Variants in FAM240C observed in about 807,000 individuals in gnomAD.
FAM240C encodes the protein protein FAM240C.
In FAM240C, 14 loss-of-function variants were observed where a neutral mutation model predicts 10.0. The ratio of observed to expected loss-of-function variants is 1.40; its 90% confidence interval spans 0.92 to 2.19. FAM240C has a LOEUF of 2.19. Among genes scored for constraint, FAM240C ranks in the 30% most tolerant of loss-of-function variants. FAM240C has a pLI of 0.00. For missense variants in FAM240C, 154 were observed against 122.3 expected (o/e 1.26, Z -1.22); for synonymous variants, 49 against 44.3 (o/e 1.11, Z -0.42).
At chr2:241,902,270 G>A (rs1702000266), upstream of FAM240C, among the ~76,000 whole-genome samples, 1 of 150,698 alleles carries the variant, frequency 6.6e-6, no homozygotes, top group East Asian at 2.0e-4. This position sits in a 1 kb window ranked among gnomAD's most constrained non-coding sequence, Gnocchi z 7.1. Flanking sequence ...CAGGCTGCCG[G>A]GCTCCAGCTA....
chr2:241,897,383 A>G (rs1701877326), intron 1 of FAM240C, 49 bp from the exon 2 acceptor site: 2 of 1,533,124 alleles, frequency 1.3e-6, no homozygotes, highest in East Asian at 4.9e-5. Context: ...TGCCATTCCC[A>G]TTGACGAGTT....
chr2:241,894,452 C>A lies in FAM240C; in HGVS notation c.162-113G>T, dbSNP rs965790657. The stretch of plus-strand genomic sequence containing the variant: ...CTGTGAGAGCAGGAGTATGACACTC[C>A]CTGCCAGGGGTGGGGGTGTCACCGC... On this transcript the variant is annotated intron_variant, in intron 2 of 2. Coordinates refer to ENST00000404031, the MANE Select transcript of FAM240C (RefSeq NM_001382368.1). The A allele has an allele frequency of 2.4e-6, 3 of 1,243,484 alleles. No individual in the cohort carries two copies. The African/African-American group carries it at 4.5e-5, about 19-fold the overall frequency. 77.0% of individuals were successfully genotyped at this position (1,243,484 alleles called of 1,614,324 possible). A position where few individuals can be genotyped will look rare whatever the true frequency, so the allele number is the denominator to read the frequency against.
chr2:241,901,671 G>A (rs1701986865), upstream of FAM240C, among the ~76,000 whole-genome samples: 1 of 152,192 alleles, frequency 6.6e-6, no homozygotes, highest in Admixed American at 6.5e-5. The surrounding 1 kb of genome is among the most constrained non-coding windows in gnomAD (Gnocchi z 4.9). Context: ...CTCAGGCAGC[G>A]CGGGTGGAAG....
At chr2:241,895,649 G>T (rs1430905371) in intron 2 of FAM240C, among the ~76,000 whole-genome samples, 1 of 152,230 alleles carries the variant, frequency 6.6e-6, no homozygotes, top group African/African-American at 2.4e-5. Context: ...GTGGCCTGGG[G>T]AGAACCGGGC....
At chr2:241,898,173 G>A (rs1361797351) in intron 1 of FAM240C, among the ~76,000 whole-genome samples, 1 of 152,218 alleles carries the variant, frequency 6.6e-6, no homozygotes, top group Non-Finnish European at 1.5e-5. Context: ...AAGTGAGGCT[G>A]ACTGAAATGT....
intron 2 of FAM240C, among the ~76,000 whole-genome samples, chr2:241,896,896 G>A (rs535520168): frequency 6.6e-6 from 1 of 151,258 alleles, no homozygotes; most frequent in African/African-American, 2.4e-5. Flanking sequence ...GGGCATTGGG[G>A]TGTGGTGTTG....
chr2:241,894,237 G>A lies in FAM240C; in HGVS notation c.264C>T (p.His88=). The A allele has an allele frequency of 6.5e-7, 1 of 1,549,978 alleles. No individual in the cohort carries two copies. Among genetic ancestry groups the A allele is most frequent in the Non-Finnish European group, 8.7e-7 (1 of 1,146,760 alleles). ...CTCAGGCCGCCTTCTTGTCCTTGGT[G>A]TGGAGGGACTCAGTGGCCTCCGGGA... The part of the protein sequence containing the change: ...DRVPEATESL[H]TKDKKAA Residue 88 remains histidine, a synonymous_variant, in exon 3 of 3, where the codon CAC becomes CAT. Coordinates refer to ENST00000404031, the MANE Select transcript of FAM240C (RefSeq NM_001382368.1).
upstream of FAM240C, among the ~76,000 whole-genome samples, chr2:241,901,142 G>A (rs918540068): frequency 2.6e-5 from 4 of 152,146 alleles, no homozygotes; most frequent in East Asian, 1.9e-4. The surrounding 1 kb of genome is among the most constrained non-coding windows in gnomAD (Gnocchi z 4.9). Flanking sequence ...CCCAGCACAC[G>A]GGGGTCACCG....
chr2:241,900,169 C>T lies in FAM240C; in HGVS notation c.12+189G>A, dbSNP rs1238124230. Among the ~76,000 whole-genome samples, 1 of 152,184 alleles carries T rather than the reference C, an allele frequency of 6.6e-6. No individual in the cohort carries two copies. Among genetic ancestry groups the T allele is most frequent in the South Asian group, 2.1e-4 (1 of 4,820 alleles). On this transcript the variant is annotated intron_variant, in intron 1 of 2. Transcript: ENST00000404031. The surrounding 1 kb of genome is among the most constrained non-coding windows in gnomAD (Gnocchi z 4.5). The stretch of plus-strand genomic sequence containing the variant: ...GGTGATGGAGACACTCTCCCCCCAC[C>T]AAAGGTGTTGACAGCAGGAATCCCA...
At position 241,896,487 on chromosome 2, in the gene FAM240C, A is replaced by AGGGGGTGTGGGTGTTGGGGTGTGGGTGT. The variant is rs1559468214; in HGVS notation, c.161+698_161+699insACACCCACACCCCAACACCCACACCCCC. Among the ~76,000 whole-genome samples, 17 of 25,588 alleles carry AGGGGGTGTGGGTGTTGGGGTGTGGGTGT rather than the reference A, an allele frequency of 6.6e-4. 1 individual carries two copies. The highest frequency in any genetic ancestry group is 2.4e-3 in the African/African-American group (17 of 7,026). The allele number at this position is 25,588 out of a possible 152,430, so 16.8% of individuals were successfully genotyped here. A position where few individuals can be genotyped will look rare whatever the true frequency, so the allele number is the denominator to read the frequency against. ...GGAGTGTCAGGGAGATGGCGGGGGA[A>AGGGGGTGTGGGTGTTGGGGTGTGGGTGT]GGGGGTGTGGGTGAAGGGGGTGTGG... is the stretch of plus-strand genomic sequence containing the variant. On this transcript the variant is annotated intron_variant, in intron 2 of 2. Coordinates refer to ENST00000404031, the MANE Select transcript of FAM240C (RefSeq NM_001382368.1).
At chr2:241,898,585 G>A (rs1408634468) in intron 1 of FAM240C, among the ~76,000 whole-genome samples, 4 of 145,598 alleles carry the variant, frequency 2.7e-5, no homozygotes, top group South Asian at 4.7e-4. Context: ...AAGAATGTCC[G>A]TGACAAAGGG....
At chr2:241,902,388 C>T (rs925808707), upstream of FAM240C, 1 of 149,302 alleles carries the variant, frequency 6.7e-6, no homozygotes, top group Admixed American at 6.7e-5. This position sits in a 1 kb window ranked among gnomAD's most constrained non-coding sequence, Gnocchi z 7.1. Context: ...CCTCCGCCGC[C>T]GCCTCCCCTC....
At position 241,900,325 on chromosome 2, in the gene FAM240C, A is replaced by C. The variant is rs1317509684; in HGVS notation, c.12+33T>G. On this transcript the variant is annotated intron_variant, in intron 1 of 2. Transcript: ENST00000404031. This position sits in a 1 kb window ranked among gnomAD's most constrained non-coding sequence, Gnocchi z 4.5. ...AAATGCAGCGCCAATCTCTCAAGCA[A>C]GGACAGCGCCTGTCACATCACAGAG... is the stretch of plus-strand genomic sequence containing the variant. 2 of 717,178 alleles carry C rather than the reference A, an allele frequency of 2.8e-6. No homozygotes were observed. Among genetic ancestry groups the C allele is most frequent in the Admixed American group, 4.0e-5 (2 of 50,012 alleles). 44.4% of individuals were successfully genotyped at this position (717,178 alleles called of 1,614,324 possible). A position where few individuals can be genotyped will look rare whatever the true frequency, so the allele number is the denominator to read the frequency against.
chr2:241,901,351 C>T (rs1701978871), upstream of FAM240C, among the ~76,000 whole-genome samples: 1 of 152,232 alleles, frequency 6.6e-6, no homozygotes, highest in Non-Finnish European at 1.5e-5. The surrounding 1 kb of genome is among the most constrained non-coding windows in gnomAD (Gnocchi z 4.9). Context: ...GTTTCAGTCT[C>T]CCGGGTCACT....
At chr2:241,901,686 C>T (rs114325338), upstream of FAM240C, among the ~76,000 whole-genome samples, 949 of 152,270 alleles carry the variant, frequency 6.2e-3, 7 homozygotes, top group African/African-American at 0.021. This position sits in a 1 kb window ranked among gnomAD's most constrained non-coding sequence, Gnocchi z 4.9. Context: ...TGGAAGACGC[C>T]GGTGAGAACC....
upstream of FAM240C, among the ~76,000 whole-genome samples, chr2:241,902,025 C>T (rs1701994398): frequency 6.6e-6 from 1 of 152,236 alleles, no homozygotes; most frequent in Non-Finnish European, 1.5e-5. This position sits in a 1 kb window ranked among gnomAD's most constrained non-coding sequence, Gnocchi z 7.1. Context: ...GCAGGGAGCG[C>T]ATTCTGATCT....
At chr2:241,895,629 G>T (rs1701777274) in intron 2 of FAM240C, among the ~76,000 whole-genome samples, 2 of 152,238 alleles carry the variant, frequency 1.3e-5, no homozygotes, top group South Asian at 4.1e-4. Flanking sequence ...TAAAAGCAGT[G>T]GTTGGCCTCG....
Position 241,894,243 on chromosome 2 carries a change from G to A in FAM240C, c.258C>T (p.Ser86=). 6.5e-7 allele frequency: 1 copy of A among 1,549,982 alleles called. No homozygotes were observed. Among genetic ancestry groups the A allele is most frequent in the South Asian group, 1.2e-5 (1 of 84,050 alleles). The change falls in exon 3 of 3, where the codon TCC becomes TCT. Residue 86 remains serine, a synonymous_variant. Transcript: ENST00000404031. Reference sequence around the variant, plus strand: ...CCGCCTTCTTGTCCTTGGTGTGGAGGGACTCAGTGGCCTCCGGGACCCTGT... The same window carrying A: ...CCGCCTTCTTGTCCTTGGTGTGGAGAGACTCAGTGGCCTCCGGGACCCTGT... ...CPDRVPEATE[S]LHTKDKKAA
intron 1 of FAM240C, chr2:241,899,059 C>A (rs6733108): frequency 1.9e-5 from 23 of 1,194,516 alleles, no homozygotes; most frequent in African/African-American, 1.7e-4. Flanking sequence ...GAGCGCGGCC[C>A]GAGAGGAAAA....
Sources: allele counts gnomAD v4.1 joint callset (sites outside exome capture counted in the v4.1 genomes callset), GRCh38; gene constraint gnomAD v4.1.1; non-coding constraint Gnocchi (gnomAD v3.1); transcripts MANE v1.5; gene names NCBI Gene and HGNC (gene_info 2026-07-23, HGNC 2026-07-21).